The following LLGL2 variants were observed in gnomAD, a reference collection of about 807,000 sequenced individuals.
The protein encoded by LLGL2 is LLGL scribble cell polarity complex component 2, also known as LLGL2, scribble cell polarity complex component.
In LLGL2, 81 loss-of-function variants were observed where a neutral mutation model predicts 123.2. That is an observed-to-expected ratio of 0.66 (90% confidence interval 0.55 to 0.79). The LOEUF is 0.79. Ranked by LOEUF, LLGL2 falls within the 30% of genes least tolerant of loss-of-function variation. The probability of loss-of-function intolerance (pLI) is 0.00; values close to 1 mark genes in which losing one functional copy is unlikely to be tolerated. For synonymous variants in LLGL2, 577 were observed against 594.1 expected (o/e 0.97, Z 0.42); for missense variants, 1,273 against 1,414.6 (o/e 0.90, Z 1.61).
Position 75,571,619 on chromosome 17 carries a change from C to G in LLGL2, c.2177-48C>G, listed in dbSNP as rs141595457. 2.3e-4 allele frequency: 332 copies of G among 1,439,082 alleles called. 1 individual carries two copies. The highest frequency in any genetic ancestry group is 5.4e-4 in the Admixed American group (32 of 59,098). 89.1% of individuals were successfully genotyped at this position (1,439,082 alleles called of 1,614,324 possible). A position where few individuals can be genotyped will look rare whatever the true frequency, so the allele number is the denominator to read the frequency against. ...GTAAACCCTGGTTGCCCAGCTCCAC[C>G]CGACTCCCACGCTAAGGGTCAGACA... is the stretch of plus-strand genomic sequence containing the variant. On this transcript the variant is annotated intron_variant, in intron 17 of 25. Transcript: ENST00000392550.
At chr17:75,533,299 C>CTTTTTTTT (rs532813559) in intron 1 of LLGL2, among the ~76,000 whole-genome samples, 2 of 82,956 alleles carry the variant, frequency 2.4e-5, no homozygotes, top group Non-Finnish European at 4.6e-5. Flanking sequence ...GCACCTGGCC[C>CTTTTTTTT]TTTTTTTTTT....
At chr17:75,563,725 C>T (rs756255865) in intron 8 of LLGL2, 27 bp from the exon 9 acceptor site, 21 of 1,613,618 alleles carry the variant, frequency 1.3e-5, no homozygotes, top group African/African-American at 2.7e-5. Context: ...TTTGAGGATC[C>T]GTTCAAGCCG....
chr17:75,541,379 C>A (rs1261001637), intron 1 of LLGL2, among the ~76,000 whole-genome samples: 3 of 152,240 alleles, frequency 2.0e-5, no homozygotes, highest in African/African-American at 7.2e-5. Context: ...CTGCCCTCCC[C>A]CAGGCTGCAA....
chr17:75,536,067 G>A (rs901521785), intron 1 of LLGL2, among the ~76,000 whole-genome samples: 2 of 152,226 alleles, frequency 1.3e-5, no homozygotes, highest in African/African-American at 4.8e-5. Context: ...CCGCCAAAAG[G>A]GAACAGAGCA....
intron 2 of LLGL2, among the ~76,000 whole-genome samples, chr17:75,545,428 G>T (rs2147224073): frequency 6.6e-6 from 1 of 152,322 alleles, no homozygotes; most frequent in South Asian, 2.1e-4. Context: ...GAGGCTGATG[G>T]CCTGAAATTT....
At chr17:75,563,652 C>G in intron 8 of LLGL2, 100 bp from the exon 9 acceptor site, 10 of 1,494,038 alleles carry the variant, frequency 6.7e-6, no homozygotes, top group Non-Finnish European at 8.4e-6. Context: ...CACAGGTCTA[C>G]CATGTGGATG....
At chr17:75,552,496 A>G (rs1174531438) in intron 2 of LLGL2, among the ~76,000 whole-genome samples, 1 of 152,194 alleles carries the variant, frequency 6.6e-6, no homozygotes, top group Non-Finnish European at 1.5e-5. Context: ...AAAAAAAATT[A>G]TATATTCCTT....
chr17:75,560,682 C>A (rs1250260366), intron 6 of LLGL2, among the ~76,000 whole-genome samples: 3 of 150,664 alleles, frequency 2.0e-5, no homozygotes, highest in Non-Finnish European at 4.4e-5. Context: ...GACAGGGTTT[C>A]TCCATGGTGG....
chr17:75,566,871 G>A (rs917452765), intron 10 of LLGL2, among the ~76,000 whole-genome samples: 3 of 152,154 alleles, frequency 2.0e-5, no homozygotes, highest in African/African-American at 7.2e-5. Flanking sequence ...GACAACTGGG[G>A]CTTATGGGTC....
intron 2 of LLGL2, among the ~76,000 whole-genome samples, chr17:75,553,697 C>T (rs998482308): frequency 3.9e-5 from 6 of 152,132 alleles, no homozygotes; most frequent in African/African-American, 9.7e-5. Context: ...GGGTCACTAT[C>T]CCCCGGGGTG....
At chr17:75,562,686 C>T (rs1598608464) in intron 6 of LLGL2, 2 of 281,332 alleles carry the variant, frequency 7.1e-6, no homozygotes, top group East Asian at 7.6e-5. Flanking sequence ...CTCCCGCCTC[C>T]GCCTCCCAAG....
At chr17:75,526,254 G>A (rs2053565319) in intron 1 of LLGL2, among the ~76,000 whole-genome samples, 1 of 152,146 alleles carries the variant, frequency 6.6e-6, no homozygotes, top group Non-Finnish European at 1.5e-5. Context: ...GTGCCCCGGC[G>A]GCTTAGCCCC....
At chr17:75,574,694 C>A in intron 25 of LLGL2, 26 bp downstream of exon 25, 2 of 1,607,344 alleles carry the variant, frequency 1.2e-6, no homozygotes, top group Non-Finnish European at 1.7e-6. Flanking sequence ...TTGAGTGCAG[C>A]TGCCAACCGT....
chr17:75,554,448 C>T (rs974672241), intron 2 of LLGL2, among the ~76,000 whole-genome samples: 1 of 151,590 alleles, frequency 6.6e-6, no homozygotes, highest in Non-Finnish European at 1.5e-5. Flanking sequence ...CCTGTCTCTA[C>T]CAAAAATTAA....
chr17:75,569,801 C>CAA (rs567857752), intron 14 of LLGL2, among the ~76,000 whole-genome samples, 162 bp from the exon 15 acceptor site: 1 of 130,612 alleles, frequency 7.7e-6, no homozygotes, highest in Non-Finnish European at 1.7e-5. Context: ...AGACTTGTCT[C>CAA]AAAAAAAAAA....
rs1555659209 is a variant in LLGL2 at position 75,564,879 on chromosome 17, A to AG, written c.1036+375dup. Among the ~76,000 whole-genome samples the AG allele has an allele frequency of 1.3e-4, 20 of 148,414 alleles. No individual in the cohort carries two copies. The highest frequency in any genetic ancestry group is 2.0e-4 in the East Asian group (1 of 5,080). On this transcript the variant is annotated intron_variant, in intron 10 of 25. Coordinates refer to ENST00000392550, the MANE Select transcript of LLGL2 (RefSeq NM_001031803.2). This position sits in a 1 kb window ranked among gnomAD's most constrained non-coding sequence, Gnocchi z 4.9. ...CTGTGTCTCAAAAAAAAAAAAAAAA[A>AG]GGGCTCTGCACAGATGTTCCTAAGC...
At chr17:75,536,613 C>A (rs894926629) in intron 1 of LLGL2, among the ~76,000 whole-genome samples, 7 of 152,214 alleles carry the variant, frequency 4.6e-5, no homozygotes, top group Non-Finnish European at 1.5e-5. Context: ...CCCGCCTGAC[C>A]ATGCCTGGGG....
intron 21 of LLGL2, 89 bp from the exon 22 acceptor site, chr17:75,573,863 G>A (rs571851387): frequency 2.4e-4 from 344 of 1,454,114 alleles, no homozygotes; most frequent in Non-Finnish European, 3.0e-4. Context: ...GACAGGCTGC[G>A]CCATTGACTT....
Position 75,569,972 on chromosome 17 carries a change from C to T in LLGL2, c.1591C>T (p.Leu531=). 6.3e-7 allele frequency: 1 copy of T among 1,598,314 alleles called. No homozygotes were observed. Among genetic ancestry groups the T allele is most frequent in the Non-Finnish European group, 8.5e-7 (1 of 1,170,684 alleles). Reference sequence around the variant, plus strand: ...CTGCCACCCTGCGCAGGTGCTGGTACTGGAACTGAATGACGAGGCAGCGGA... The same window carrying T: ...CTGCCACCCTGCGCAGGTGCTGGTATTGGAACTGAATGACGAGGCAGCGGA... The part of the protein sequence containing the change: ...VAGTAGQVLV[L]ELNDEAAEQA... The change falls in exon 15 of 26, where the codon CTG becomes TTG. Residue 531 remains leucine (L), a synonymous_variant. Transcript: ENST00000392550.
Sources: allele counts gnomAD v4.1 joint callset (sites outside exome capture counted in the v4.1 genomes callset), GRCh38; gene constraint gnomAD v4.1.1; non-coding constraint Gnocchi (gnomAD v3.1); transcripts MANE v1.5; gene names NCBI Gene and HGNC (gene_info 2026-07-23, HGNC 2026-07-21).